ZYX: variants seen among roughly 807,000 people sequenced by gnomAD.
ZYX encodes zyxin, also known as zyxin-2.
A neutral mutation model predicts 58.1 loss-of-function variants in ZYX; 37 were observed. The observed-to-expected ratio is 0.64, with a 90% CI of 0.49 to 0.84. ZYX has a LOEUF of 0.84. Among genes scored for constraint, ZYX ranks in the 40% least tolerant of loss-of-function variants. ZYX has a pLI of 0.00. For missense variants in ZYX, 762 were observed against 761.6 expected (o/e 1.00, Z -0.01); for synonymous variants, 324 against 321.1 (o/e 1.01, Z -0.10).
Position 143,390,508 on chromosome 7 carries a change from TG to T in ZYX, c.1615-66del. The stretch of plus-strand genomic sequence containing the variant: ...TTTCTAATTCCAAGATGGAGCTGGA[TG>T]GGGTGGGGTAGGGTGGAGCAGAGCA... On this transcript the variant is annotated intron_variant, in intron 9 of 9. Transcript: ENST00000322764. The surrounding 1 kb of genome is among the most constrained non-coding windows in gnomAD (Gnocchi z 4.3). 1 of 1,130,658 alleles carries T rather than the reference TG, an allele frequency of 8.8e-7. No homozygotes were observed. The highest frequency in any genetic ancestry group is 1.3e-6 in the Non-Finnish European group (1 of 773,726). 70.0% of individuals were successfully genotyped at this position (1,130,658 alleles called of 1,614,324 possible).
In ZYX at chr7:143,390,566, C is replaced by T. The variant is rs1805033350; in HGVS notation, c.1615-12C>T. The T allele has an allele frequency of 1.9e-6, 3 of 1,555,016 alleles. No individual in the cohort carries two copies. Among genetic ancestry groups the T allele is most frequent in the South Asian group, 1.2e-5 (1 of 84,376 alleles). On this transcript the variant is annotated splice_polypyrimidine_tract_variant and intron_variant, in intron 9 of 9. Transcript: ENST00000322764. This position sits in a 1 kb window ranked among gnomAD's most constrained non-coding sequence, Gnocchi z 4.3. The stretch of plus-strand genomic sequence containing the variant: ...TTCCGGTCCAGTGCCCCTCACCCTT[C>T]CTTCTTCCCAGGACTGCGGGAAGCC...
rs1804899254 is a variant in ZYX, at chr7:143,387,328, T to G, written c.1024-891T>G. On this transcript the variant is annotated intron_variant, in intron 5 of 9. Transcript: ENST00000322764. This position sits in a 1 kb window ranked among gnomAD's most constrained non-coding sequence, Gnocchi z 5.8. ...AGGGGGGCTTTGGAGGTTCCAGGTG[T>G]TATGGGAATGAAGGCATCTGCAGGT... Among the ~76,000 whole-genome samples, 1 of 151,742 alleles carries G rather than the reference T, an allele frequency of 6.6e-6. No individual in the cohort carries two copies. The highest frequency in any genetic ancestry group is 2.1e-4 in the South Asian group (1 of 4,818).
chr7:143,387,485 T>TTCTCAGGGTTACC lies in ZYX; in HGVS notation c.1024-721_1024-709dup, dbSNP rs1192323147. On this transcript the variant is annotated intron_variant, in intron 5 of 9. Transcript: ENST00000322764. This position sits in a 1 kb window ranked among gnomAD's most constrained non-coding sequence, Gnocchi z 5.8. ...GCAGGTCAGACAGCCCTTCCCGGAG[T>TTCTCAGGGTTACC]TCTCAGGGTTACCTCTCAGGGTTAC... is the stretch of plus-strand genomic sequence containing the variant. Among the ~76,000 whole-genome samples the TTCTCAGGGTTACC allele has an allele frequency of 4.6e-5, 7 of 152,080 alleles. No homozygotes were observed. Among genetic ancestry groups the TTCTCAGGGTTACC allele is most frequent in the African/African-American group, 1.4e-4 (6 of 41,394 alleles).
In ZYX at chr7:143,389,207, G is replaced by A. The variant is rs1369275750; in HGVS notation, c.1493+262G>A. Among the ~76,000 whole-genome samples the A allele has an allele frequency of 6.6e-6, 1 of 152,226 alleles. No individual in the cohort carries two copies. ...TTGTGGGTGTATGTCAGCATTTCGT[G>A]AAGTGTGCTGGAGTGACTTCATCTC... On this transcript the variant is annotated intron_variant, in intron 8 of 9. Transcript: ENST00000322764. This position sits in a 1 kb window ranked among gnomAD's most constrained non-coding sequence, Gnocchi z 5.6.
At position 143,382,451 on chromosome 7, in the gene ZYX, C is replaced by G. The variant is rs1804659772; in HGVS notation, c.408+4C>G. On this transcript the variant is annotated splice_donor_region_variant and intron_variant, in intron 3 of 9. Coordinates refer to ENST00000322764, the MANE Select transcript of ZYX (RefSeq NM_003461.5). ...CCCCATACCGCCCCCACCACAGGTA[C>G]GGAGGCCTGGGAGGGGCGGCTGCAC... 3 of 1,598,974 alleles carry G rather than the reference C, an allele frequency of 1.9e-6. No individual in the cohort carries two copies. The highest frequency in any genetic ancestry group is 2.7e-5 in the African/African-American group (2 of 74,132).
chr7:143,384,302 C>T lies in ZYX; in HGVS notation c.1023+980C>T, dbSNP rs1804780808. The T allele has an allele frequency of 2.1e-6, 1 of 470,210 alleles. No homozygotes were observed. The highest frequency in any genetic ancestry group is 4.4e-6 in the Non-Finnish European group (1 of 226,462). 29.1% of individuals were successfully genotyped at this position (470,210 alleles called of 1,614,324 possible). ...ACTCGGGGAGTCAAATTAGGAAAGG[C>T]TTCGAAGGATGGGCAGGACGTAAGA... On this transcript the variant is annotated intron_variant, in intron 5 of 9. Transcript: ENST00000322764. This position sits in a 1 kb window ranked among gnomAD's most constrained non-coding sequence, Gnocchi z 4.9.
intron 2 of ZYX, 46 bp from the exon 3 acceptor site, chr7:143,382,201 GA>G (rs1804636773): frequency 6.6e-7 from 1 of 1,507,064 alleles, no homozygotes; most frequent in Non-Finnish European, 9.2e-7. Flanking sequence ...GAGCTTGGGT[GA>G]GGGGTAGAGG....
Position 143,384,882 on chromosome 7 carries a change from G to C in ZYX, c.1023+1560G>C, listed in dbSNP as rs768590397. On this transcript the variant is annotated intron_variant, in intron 5 of 9. Transcript: ENST00000322764. The surrounding 1 kb of genome is among the most constrained non-coding windows in gnomAD (Gnocchi z 4.9). ...CCAGCTGTCAACGTTTTGAGCAACA[G>C]GTCCCAGGAGGACTTTCAGCTGGGG... Among the ~76,000 whole-genome samples the C allele has an allele frequency of 6.6e-6, 1 of 152,264 alleles. No homozygotes were observed. The highest frequency in any genetic ancestry group is 2.4e-5 in the African/African-American group (1 of 41,546).
In ZYX at chr7:143,383,220, C is replaced by T. The variant is rs1804715333; in HGVS notation, c.921C>T (p.Gly307=). The change falls in exon 5 of 10, where the codon GGC becomes GGT. Residue 307 remains glycine (G), a synonymous_variant. Transcript: ENST00000322764. ...GHPEALSAGT[G]SPQPPSFTYA... is the part of the protein sequence containing the mutation. The stretch of plus-strand genomic sequence containing the variant: ...CCGAAGCTCTTTCTGCTGGCACAGG[C>T]TCCCCTCAACCTCCCAGCTTCACCT... 1 of 1,614,194 alleles carries T rather than the reference C, an allele frequency of 6.2e-7. No homozygotes were observed. Among genetic ancestry groups the T allele is most frequent in the Non-Finnish European group, 8.5e-7 (1 of 1,180,040 alleles).
chr7:143,388,444 T>A lies in ZYX; in HGVS notation c.1145-45T>A. ...TGAGCTGGCTGATCCCTCGCAGCTC[T>A]ACATACTTCCTTCTATTTACTGCTG... On this transcript the variant is annotated intron_variant, in intron 6 of 9. Transcript: ENST00000322764. The surrounding 1 kb of genome is among the most constrained non-coding windows in gnomAD (Gnocchi z 7.5). 6.2e-7 allele frequency: 1 copy of A among 1,605,908 alleles called. No homozygotes were observed. The highest frequency in any genetic ancestry group is 8.5e-7 in the Non-Finnish European group (1 of 1,174,302).
Position 143,391,108 on chromosome 7 carries a change from A to G in ZYX, c.*426A>G, listed in dbSNP as rs1805062509. 2 of 320,424 alleles carry G rather than the reference A, an allele frequency of 6.2e-6. No homozygotes were observed. The highest frequency in any genetic ancestry group is 1.2e-5 in the Non-Finnish European group (2 of 171,898). The allele number at this position is 320,424 out of a possible 1,614,324, so 19.8% of individuals were successfully genotyped here. ...CAAATAAAAAAAAACCTTGTTTTCC[A>G]GAATTCTCAGTAGTCAGCTCTTTTG... On this transcript the variant is annotated 3_prime_UTR_variant, in exon 10 of 10. Coordinates refer to ENST00000322764, the MANE Select transcript of ZYX (RefSeq NM_003461.5).
chr7:143,386,576 GGT>G (rs932458834), intron 5 of ZYX, among the ~76,000 whole-genome samples: 1 of 152,098 alleles, frequency 6.6e-6, no homozygotes, highest in Admixed American at 6.5e-5. Context: ...AGAGGGTGGT[GGT>G]GTGACTTGGG....
chr7:143,382,686 G>T lies in ZYX; in HGVS notation c.501+1G>T, dbSNP rs770130489. 7.4e-6 allele frequency: 12 copies of T among 1,613,980 alleles called. No homozygotes were observed. Among genetic ancestry groups the T allele is most frequent in the Admixed American group, 5.0e-5 (3 of 60,016 alleles). ...CAAGAATGATCCTTTCAAAGCCCGG[G>T]TAAGGGACCGGAGAGTAGGAAAAGC... On this transcript the variant is annotated splice_donor_variant, in intron 4 of 9. Transcript: ENST00000322764. LOFTEE classifies it high-confidence loss of function.
chr7:143,382,590 T>C lies in ZYX; in HGVS notation c.409-3T>C. ...ATAGGTGCTCTGACCTCTGACCCTCTAGCCCAGGGAGAAGGTGAGCAGTAT... is the reference window on the plus strand; with the variant it reads ...ATAGGTGCTCTGACCTCTGACCCTCCAGCCCAGGGAGAAGGTGAGCAGTAT... On this transcript the variant is annotated splice_region_variant and splice_polypyrimidine_tract_variant and intron_variant, in intron 3 of 9. Transcript: ENST00000322764. The C allele has an allele frequency of 6.2e-7, 1 of 1,613,986 alleles. No homozygotes were observed. Among genetic ancestry groups the C allele is most frequent in the East Asian group, 2.2e-5 (1 of 44,870 alleles).
At chr7:143,385,183 G>A (rs759529162) in intron 5 of ZYX, among the ~76,000 whole-genome samples, 29 of 152,130 alleles carry the variant, frequency 1.9e-4, no homozygotes, top group Non-Finnish European at 2.8e-4. Flanking sequence ...AATCATCAGC[G>A]GTCTTGGGAT....
In ZYX at chr7:143,382,468, C is replaced by T. The variant is rs200330990; in HGVS notation, c.408+21C>T. On this transcript the variant is annotated intron_variant, in intron 3 of 9. Coordinates refer to ENST00000322764, the MANE Select transcript of ZYX (RefSeq NM_003461.5). ...CACAGGTACGGAGGCCTGGGAGGGG[C>T]GGCTGCACTGGACACCCCCAAGGAG... The T allele has an allele frequency of 3.8e-5, 60 of 1,590,714 alleles. No homozygotes were observed. In the East Asian group the frequency reaches 1.1e-3, roughly 30 times the overall value.
At chr7:143,386,432 A>T (rs1283539817) in intron 5 of ZYX, among the ~76,000 whole-genome samples, 1 of 151,918 alleles carries the variant, frequency 6.6e-6, no homozygotes, top group Non-Finnish European at 1.5e-5. Context: ...GGCTCAGGAG[A>T]TGGAGAGGTC....
chr7:143,382,902 G>C lies in ZYX; in HGVS notation c.603G>C (p.Lys201Asn). Residue 201 changes from lysine to asparagine, a missense_variant, in exon 5 of 10, where the codon AAG becomes AAC. Transcript: ENST00000322764. ...GCACAGCACCCCTGCCTCCTTGGAA[G>C]TCCCCTTCCAGCTCCCAGCCTCTGC... ...AGGTAPLPPW[K>N]SPSSSQPLPQ... The C allele has an allele frequency of 6.2e-7, 1 of 1,613,960 alleles. No homozygotes were observed. Among genetic ancestry groups the C allele is most frequent in the African/African-American group, 1.3e-5 (1 of 74,998 alleles).
Position 143,383,057 on chromosome 7 carries a change from G to C in ZYX, c.758G>C (p.Arg253Pro). 1.2e-6 allele frequency: 2 copies of C among 1,614,088 alleles called. No homozygotes were observed. The highest frequency in any genetic ancestry group is 1.1e-5 in the South Asian group (1 of 91,084). The change falls in exon 5 of 10, where the codon CGA becomes CCA. Residue 253 changes from arginine to proline, a missense_variant. Coordinates refer to ENST00000322764, the MANE Select transcript of ZYX (RefSeq NM_003461.5). ...QPVSLANTQP[R>P]GPPASSPAPA... The stretch of plus-strand genomic sequence containing the variant: ...GTGTCTTTGGCTAACACCCAGCCCC[G>C]AGGGCCCCCAGCCTCATCTCCGGCT...
Sources: allele counts gnomAD v4.1 joint callset (sites outside exome capture counted in the v4.1 genomes callset), GRCh38; gene constraint gnomAD v4.1.1; non-coding constraint Gnocchi (gnomAD v3.1); transcripts MANE v1.5; gene names NCBI Gene and HGNC (gene_info 2026-07-23, HGNC 2026-07-21).